ANLN: variants seen among roughly 807,000 people sequenced by gnomAD.
ANLN encodes anillin, actin binding protein.
Under a neutral mutation model 135.1 loss-of-function variants are expected in ANLN, and 59 were observed. That is an observed-to-expected ratio of 0.44 (90% confidence interval 0.35 to 0.54). The LOEUF is 0.54. ANLN is among the 20% of genes least tolerant of loss of function. ANLN has a pLI of 0.00. For synonymous variants in ANLN, 406 were observed against 456.4 expected (o/e 0.89, Z 1.41); for missense variants, 1,182 against 1,340.0 (o/e 0.88, Z 1.84).
intron 7 of ANLN, 52 bp downstream of exon 7, chr7:36,411,218 T>A: frequency 6.9e-7 from 1 of 1,441,276 alleles, no homozygotes; most frequent in Non-Finnish European, 9.4e-7. Context: ...ATAGTTGGGA[T>A]CTAATTTGTA....
At chr7:36,450,094 G>A (rs181822021) in intron 23 of ANLN, among the ~76,000 whole-genome samples, 14 of 152,310 alleles carry the variant, frequency 9.2e-5, no homozygotes, top group South Asian at 6.2e-4. Context: ...TTTCATGGCA[G>A]TTAGATAATA....
intron 22 of ANLN, among the ~76,000 whole-genome samples, chr7:36,447,500 C>G (rs1369042742): frequency 6.7e-6 from 1 of 149,124 alleles, no homozygotes; most frequent in African/African-American, 2.5e-5. Context: ...TCTCGGCTCA[C>G]TGCAAGCACC....
At chr7:36,452,252 G>A (rs977227303) in intron 23 of ANLN, among the ~76,000 whole-genome samples, 3 of 152,194 alleles carry the variant, frequency 2.0e-5, no homozygotes, top group African/African-American at 4.8e-5. Context: ...TTTACCAAGT[G>A]TAATTAGTGT....
Position 36,403,908 on chromosome 7 carries a change from G to T in ANLN, c.488-2273G>T, listed in dbSNP as rs141911600. ...AGTCCTGAGCTCAAGCAATCCACCC[G>T]CCTTGGCCTCCCAAAGTGGTGGGAT... On this transcript the variant is annotated intron_variant, in intron 3 of 23. Coordinates refer to ENST00000265748, the MANE Select transcript of ANLN (RefSeq NM_018685.5). Among the ~76,000 whole-genome samples, 96 of 152,250 alleles carry T rather than the reference G, an allele frequency of 6.3e-4. No homozygotes were observed. In the East Asian group the frequency reaches 8.7e-3, roughly 14 times the overall value.
chr7:36,445,815 T>G (rs1489867051), intron 22 of ANLN, among the ~76,000 whole-genome samples: 1 of 152,258 alleles, frequency 6.6e-6, no homozygotes, highest in Admixed American at 6.5e-5. Context: ...AAAGTGGTTG[T>G]ACGATTTTCC....
At chr7:36,407,668 G>A (rs1265607330) in intron 4 of ANLN, 66 bp from the exon 5 acceptor site, 6 of 1,222,480 alleles carry the variant, frequency 4.9e-6, no homozygotes, top group Non-Finnish European at 7.2e-6. Flanking sequence ...GACTTGAATT[G>A]TTTTGTTATA....
chr7:36,448,077 C>T (rs545454880), intron 22 of ANLN, among the ~76,000 whole-genome samples: 1 of 151,982 alleles, frequency 6.6e-6, no homozygotes, highest in East Asian at 1.9e-4. Context: ...TGCAGTGGCA[C>T]GATCTCGGCT....
intron 23 of ANLN, among the ~76,000 whole-genome samples, chr7:36,450,155 T>G (rs1789186103): frequency 6.6e-6 from 1 of 152,222 alleles, no homozygotes; most frequent in Non-Finnish European, 1.5e-5. Context: ...AGTCAAGCAT[T>G]ATTCAAAGAG....
chr7:36,396,181 G>A, intron 1 of ANLN, 85 bp from the exon 2 acceptor site: 4 of 1,185,502 alleles, frequency 3.4e-6, no homozygotes, highest in Non-Finnish European at 4.6e-6. Context: ...ATCCTGTATG[G>A]CAATTGGTGA....
At chr7:36,430,266 A>G (rs1221006685) in intron 20 of ANLN, among the ~76,000 whole-genome samples, 2 of 152,202 alleles carry the variant, frequency 1.3e-5, no homozygotes, top group African/African-American at 4.8e-5. Flanking sequence ...TTGACCAGTA[A>G]TACAACAATC....
chr7:36,412,520 GT>G (rs1787466963), intron 7 of ANLN, among the ~76,000 whole-genome samples: 1 of 151,806 alleles, frequency 6.6e-6, no homozygotes, highest in Non-Finnish European at 1.5e-5. Context: ...TAGAGATGGA[GT>G]TTCTCCATGT....
At chr7:36,452,093 T>C (rs938700093) in intron 23 of ANLN, among the ~76,000 whole-genome samples, 5 of 152,236 alleles carry the variant, frequency 3.3e-5, no homozygotes, top group Non-Finnish European at 7.3e-5. Flanking sequence ...CTGAAGGTTA[T>C]ATTGGGAGTG....
At position 36,426,038 on chromosome 7, in the gene ANLN, T is replaced by G; in HGVS notation, c.2770+2T>G. 1 of 1,503,538 alleles carries G rather than the reference T, an allele frequency of 6.7e-7. No individual in the cohort carries two copies. Among genetic ancestry groups the G allele is most frequent in the Non-Finnish European group, 8.9e-7 (1 of 1,124,468 alleles). 93.1% of individuals were successfully genotyped at this position (1,503,538 alleles called of 1,614,324 possible). On this transcript the variant is annotated splice_donor_variant, in intron 19 of 23. Coordinates refer to ENST00000265748, the MANE Select transcript of ANLN (RefSeq NM_018685.5). LOFTEE classifies it high-confidence loss of function. Reference sequence around the variant, plus strand: ...AGAAAAGCAACATTCATTCTTCAGGTGAGTGTATCTTGAACTATTTGAAAC... The same window carrying G: ...AGAAAAGCAACATTCATTCTTCAGGGGAGTGTATCTTGAACTATTTGAAAC...
intron 20 of ANLN, among the ~76,000 whole-genome samples, chr7:36,438,916 T>G (rs1030272949): frequency 2.0e-5 from 3 of 152,220 alleles, no homozygotes; most frequent in Non-Finnish European, 4.4e-5. Context: ...ATTCTCCTGT[T>G]GATGGAGAAT....
At chr7:36,435,705 C>G (rs144701088) in intron 20 of ANLN, among the ~76,000 whole-genome samples, 1 of 150,910 alleles carries the variant, frequency 6.6e-6, no homozygotes, top group Non-Finnish European at 1.5e-5. Flanking sequence ...AACCCCGTCT[C>G]TACTAAAAAT....
rs534086638 is a variant in ANLN at position 36,399,232 on chromosome 7, C to G, written c.326C>G (p.Ala109Gly). Reference sequence around the variant, plus strand: ...GTGTCTCCTCAGGTGCAGCCACAAGCAGCAGATACCATCAGTGATTCTGTT... The same window carrying G: ...GTGTCTCCTCAGGTGCAGCCACAAGGAGCAGATACCATCAGTGATTCTGTT... ...SPVSPQVQPQ[A>G]ADTISDSVAV... The change falls in exon 3 of 24, where the codon GCA becomes GGA. Residue 109 changes from alanine (A) to glycine (G), a missense_variant. Physicochemically the swap from Ala to Gly is moderately conservative, Grantham distance 60 (BLOSUM62 0). Around this residue, in one of 3 missense-constraint regions of ANLN, gnomAD observed 1,022 missense variants for 1,134.0 expected, o/e 0.90. Transcript: ENST00000265748. 1.2e-6 allele frequency: 2 copies of G among 1,614,192 alleles called. No individual in the cohort carries two copies. Among genetic ancestry groups the G allele is most frequent in the South Asian group, 2.2e-5 (2 of 91,086 alleles).
chr7:36,416,319 C>T (rs1787641113), intron 8 of ANLN, among the ~76,000 whole-genome samples: 1 of 152,108 alleles, frequency 6.6e-6, no homozygotes, highest in Non-Finnish European at 1.5e-5. Flanking sequence ...GCGCCCAGCC[C>T]AGGGTTTTCT....
chr7:36,390,347 G>T, intron 1 of ANLN: 1 of 441,934 alleles, frequency 2.3e-6, no homozygotes, highest in South Asian at 3.2e-5. Context: ...CAGTCCTGGC[G>T]CAGCAAGAGT....
chr7:36,410,725 CATT>C (rs1202894995), intron 6 of ANLN, 21 bp downstream of exon 6: 1 of 1,600,864 alleles, frequency 6.2e-7, no homozygotes, highest in African/African-American at 1.3e-5. Context: ...CTGCATTTAA[CATT>C]ATTCATCACA....
Sources: gnomAD v4.1 joint callset for allele counts (sites outside exome capture counted in the v4.1 genomes callset) on GRCh38, gnomAD v4.1.1 for gene constraint, gnomAD v4.1.1 regional missense constraint, MANE v1.5 for transcripts, NCBI Gene and HGNC (gene_info 2026-07-23, HGNC 2026-07-21) for gene names.